BHLHE22: variants seen among roughly 807,000 people sequenced by gnomAD.
BHLHE22 encodes the protein basic helix-loop-helix family member e22.
Under a neutral mutation model 17.6 loss-of-function variants are expected in BHLHE22, and 8 were observed. The observed-to-expected ratio is 0.45, with a 90% CI of 0.27 to 0.82. The LOEUF (loss-of-function observed/expected upper bound fraction) is 0.82, where lower values mean the gene tolerates loss of function less well. BHLHE22 is among the 40% of genes least tolerant of loss of function. BHLHE22 has a pLI of 0.16. For missense variants in BHLHE22, 570 were observed against 581.5 expected (o/e 0.98, Z 0.20); for synonymous variants, 353 against 282.7 (o/e 1.25, Z -2.49).
rs1298593331 is a variant in BHLHE22, at chr8:64,580,643, G to C, written c.-148G>C. On this transcript the variant is annotated 5_prime_UTR_variant, in exon 1 of 1. Coordinates refer to ENST00000321870, the MANE Select transcript of BHLHE22 (RefSeq NM_152414.5). ...GGCGAAAAAGAAAAAGAAAGAAGGG[G>C]AGAGGGCTCCCGGCAGCACCAGGAC... 3 of 244,038 alleles carry C rather than the reference G, an allele frequency of 1.2e-5. No individual in the cohort carries two copies. The highest frequency in any genetic ancestry group is 2.0e-5 in the Non-Finnish European group (3 of 149,746). The allele number at this position is 244,038 out of a possible 1,614,324, so 15.1% of individuals were successfully genotyped here. A position where few individuals can be genotyped will look rare whatever the true frequency, so the allele number is the denominator to read the frequency against.
rs1804898006 is a variant in BHLHE22 at position 64,581,445 on chromosome 8, AGCGGTAGCGGCAGCGGCG to A, written c.658_675del (p.Gly220_Gly225del). ...CGGTAGCAGTGGCGGCGGTGGCGGT[AGCGGTAGCGGCAGCGGCG>A]GCAGCAGCAGCAGCAGCAGCAGCAG... On this transcript the variant is annotated inframe_deletion, in exon 1 of 1. Transcript: ENST00000321870. This position sits in a 1 kb window ranked among gnomAD's most constrained non-coding sequence, Gnocchi z 6.4. The A allele has an allele frequency of 6.5e-7, 1 of 1,535,932 alleles. No individual in the cohort carries two copies. Among genetic ancestry groups the A allele is most frequent in the African/African-American group, 1.4e-5 (1 of 71,886 alleles).
Position 64,581,061 on chromosome 8 carries a change from G to A in BHLHE22, c.271G>A (p.Gly91Ser). Residue 91 changes from glycine (G) to serine (S), a missense_variant, in exon 1 of 1, where the codon GGC (glycine) becomes AGC (serine). Physicochemically the swap from Gly to Ser is moderately conservative, Grantham distance 56 (BLOSUM62 0). Coordinates refer to ENST00000321870, the MANE Select transcript of BHLHE22 (RefSeq NM_152414.5). This position sits in a 1 kb window ranked among gnomAD's most constrained non-coding sequence, Gnocchi z 6.4. Reference sequence around the variant, plus strand: ...AGGCGGCGGCGGCAGCGCGGGAAGTGGCGGCGGCGGCGGCGGCGGGGTGGG... The same window carrying A: ...AGGCGGCGGCGGCAGCGCGGGAAGTAGCGGCGGCGGCGGCGGCGGGGTGGG... ...GGGGGGSAGS[G>S]GGGGGGVGVP... 1.7e-6 allele frequency: 2 copies of A among 1,175,154 alleles called. No homozygotes were observed. Among genetic ancestry groups the A allele is most frequent in the Non-Finnish European group, 2.1e-6 (2 of 938,920 alleles). 72.8% of individuals were successfully genotyped at this position (1,175,154 alleles called of 1,614,324 possible).
At position 64,581,832 on chromosome 8, in the gene BHLHE22, C is replaced by G. The variant is rs750981140; in HGVS notation, c.1042C>G (p.Pro348Ala). The G allele has an allele frequency of 2.1e-5, 34 of 1,604,380 alleles. 3 individuals are homozygous for G. The South Asian group carries it at 3.8e-4, about 18-fold the overall frequency. Residue 348 changes from proline to alanine, a missense_variant, in exon 1 of 1, where the codon CCG (proline) becomes GCG (alanine). Physicochemically the swap from Pro to Ala is conservative, Grantham distance 27 (BLOSUM62 -1). Coordinates refer to ENST00000321870, the MANE Select transcript of BHLHE22 (RefSeq NM_152414.5). This position sits in a 1 kb window ranked among gnomAD's most constrained non-coding sequence, Gnocchi z 6.4. The part of the protein sequence containing the change: ...LGAYEQAAGY[P>A]FSAGLPPAAS... ...CGCCTACGAGCAGGCAGCCGGCTACCCGTTCAGCGCCGGACTGCCCCCGGC... is the reference window on the plus strand; with the variant it reads ...CGCCTACGAGCAGGCAGCCGGCTACGCGTTCAGCGCCGGACTGCCCCCGGC...
In BHLHE22 at chr8:64,583,261, T is replaced by C. The variant is rs1009080831; in HGVS notation, c.*1325T>C. On this transcript the variant is annotated 3_prime_UTR_variant, in exon 1 of 1. Transcript: ENST00000321870. ...TTTGCCTATGGTGTGAAATCCTTTGTTATTTTTCTAAAAAAATAAAATTTA... is the reference window on the plus strand; with the variant it reads ...TTTGCCTATGGTGTGAAATCCTTTGCTATTTTTCTAAAAAAATAAAATTTA... 6 of 167,014 alleles carry C rather than the reference T, an allele frequency of 3.6e-5. No homozygotes were observed. The highest frequency in any genetic ancestry group is 3.3e-4 in the Admixed American group (5 of 15,292). 10.3% of individuals were successfully genotyped at this position (167,014 alleles called of 1,614,324 possible).
In BHLHE22 at chr8:64,581,946, C is replaced by T. The variant is rs554287197; in HGVS notation, c.*10C>T. 2.2e-5 allele frequency: 35 copies of T among 1,610,810 alleles called. No homozygotes were observed. The African/African-American group carries it at 2.8e-4, about 13-fold the overall frequency. On this transcript the variant is annotated 3_prime_UTR_variant, in exon 1 of 1. Transcript: ENST00000321870. This position sits in a 1 kb window ranked among gnomAD's most constrained non-coding sequence, Gnocchi z 6.4. ...CACGGAGAAGCCTTAAACACACCCC[C>T]GAAAAACACAAGACCGACCCAAAAT... is the stretch of plus-strand genomic sequence containing the variant.
Position 64,580,784 on chromosome 8 carries a change from C to T in BHLHE22, c.-7C>T. 1 of 1,299,230 alleles carries T rather than the reference C, an allele frequency of 7.7e-7. No homozygotes were observed. The allele number at this position is 1,299,230 out of a possible 1,614,324, so 80.5% of individuals were successfully genotyped here. A position where few individuals can be genotyped will look rare whatever the true frequency, so the allele number is the denominator to read the frequency against. ...CGGCGGCCCGGGCTGCGCGCCGGCG[C>T]GGGACCATGGAGCGCGGGATGCACC... On this transcript the variant is annotated 5_prime_UTR_variant, in exon 1 of 1. Coordinates refer to ENST00000321870, the MANE Select transcript of BHLHE22 (RefSeq NM_152414.5).
Position 64,582,616 on chromosome 8 carries a change from T to C in BHLHE22, c.*680T>C, listed in dbSNP as rs895826829. 1 of 167,106 alleles carries C rather than the reference T, an allele frequency of 6.0e-6. No individual in the cohort carries two copies. The highest frequency in any genetic ancestry group is 1.9e-4 in the East Asian group (1 of 5,206). The allele number at this position is 167,106 out of a possible 1,614,324, so 10.4% of individuals were successfully genotyped here. ...GCTCAAAGTTTTGGCGAGAGTGATA[T>C]AAAAAAACTGACTGTGGCTGAAAGA... On this transcript the variant is annotated 3_prime_UTR_variant, in exon 1 of 1. Coordinates refer to ENST00000321870, the MANE Select transcript of BHLHE22 (RefSeq NM_152414.5).
Position 64,581,802 on chromosome 8 carries a change from C to T in BHLHE22, c.1012C>T (p.Leu338Phe), listed in dbSNP as rs1049640253. The T allele has an allele frequency of 4.4e-6, 7 of 1,592,096 alleles. No homozygotes were observed. The highest frequency in any genetic ancestry group is 5.1e-6 in the Non-Finnish European group (6 of 1,173,060). The change falls in exon 1 of 1, where the codon CTC becomes TTC. Residue 338 changes from leucine (L) to phenylalanine (F), a missense_variant. Leu to Phe is a conservative substitution (Grantham distance 22). Coordinates refer to ENST00000321870, the MANE Select transcript of BHLHE22 (RefSeq NM_152414.5). This position sits in a 1 kb window ranked among gnomAD's most constrained non-coding sequence, Gnocchi z 6.4. ...AAAAAALHPA[L>F]GAYEQAAGYP... ...AGCAGCTGCTGCCCTGCACCCGGCG[C>T]TCGGCGCCTACGAGCAGGCAGCCGG...
At position 64,580,659 on chromosome 8, in the gene BHLHE22, G is replaced by A; in HGVS notation, c.-132G>A. ...AAAGAAGGGGAGAGGGCTCCCGGCAGCACCAGGACCGACGCGCGCACCAGC... is the reference window on the plus strand; with the variant it reads ...AAAGAAGGGGAGAGGGCTCCCGGCAACACCAGGACCGACGCGCGCACCAGC... On this transcript the variant is annotated 5_prime_UTR_variant, in exon 1 of 1. Transcript: ENST00000321870. The A allele has an allele frequency of 2.8e-6, 1 of 351,312 alleles. No individual in the cohort carries two copies. Among genetic ancestry groups the A allele is most frequent in the Non-Finnish European group, 4.0e-6 (1 of 247,892 alleles). 21.8% of individuals were successfully genotyped at this position (351,312 alleles called of 1,614,324 possible).
Position 64,580,729 on chromosome 8 carries a change from G to A in BHLHE22, c.-62G>A. The A allele has an allele frequency of 1.0e-6, 1 of 994,630 alleles. No homozygotes were observed. The highest frequency in any genetic ancestry group is 1.2e-6 in the Non-Finnish European group (1 of 832,026). 61.6% of individuals were successfully genotyped at this position (994,630 alleles called of 1,614,324 possible). A position where few individuals can be genotyped will look rare whatever the true frequency, so the allele number is the denominator to read the frequency against. ...GCGTCTGTGGGGCCGCCTGACTCCG[G>A]GGCCGAGGCGGCGGCGGCGGCAGCG... is the stretch of plus-strand genomic sequence containing the variant. On this transcript the variant is annotated 5_prime_UTR_variant, in exon 1 of 1. Transcript: ENST00000321870.
rs572806022 is a variant in BHLHE22 at position 64,581,419 on chromosome 8, G to C, written c.629G>C (p.Ser210Thr). Residue 210 changes from serine to threonine, a missense_variant, in exon 1 of 1, where the codon AGC becomes ACC. Around this residue, in one of 3 missense-constraint regions of BHLHE22, gnomAD observed 427 missense variants for 376.2 expected, o/e 1.14. Transcript: ENST00000321870. This position sits in a 1 kb window ranked among gnomAD's most constrained non-coding sequence, Gnocchi z 6.4. The part of the protein sequence containing the change: ...LGGGGGGGSS[S>T]GSSGGGGGSG... ...GGCGGCGGCGGCGGGGGTAGCAGCA[G>C]CGGTAGCAGTGGCGGCGGTGGCGGT... 3.3e-5 allele frequency: 51 copies of C among 1,535,510 alleles called. No homozygotes were observed. The African/African-American group carries it at 6.7e-4, about 20-fold the overall frequency.
chr8:64,581,457 A>AGCGGCG lies in BHLHE22; in HGVS notation c.670_675dup (p.Gly224_Gly225dup), dbSNP rs752477418. 9 of 1,533,514 alleles carry AGCGGCG rather than the reference A, an allele frequency of 5.9e-6. No individual in the cohort carries two copies. The highest frequency in any genetic ancestry group is 7.0e-6 in the Non-Finnish European group (8 of 1,144,054). The allele number at this position is 1,533,514 out of a possible 1,614,324, so 95.0% of individuals were successfully genotyped here. A position where few individuals can be genotyped will look rare whatever the true frequency, so the allele number is the denominator to read the frequency against. On this transcript the variant is annotated inframe_insertion, in exon 1 of 1. Transcript: ENST00000321870. This position sits in a 1 kb window ranked among gnomAD's most constrained non-coding sequence, Gnocchi z 6.4. The stretch of plus-strand genomic sequence containing the variant: ...CGGCGGTGGCGGTAGCGGTAGCGGC[A>AGCGGCG]GCGGCGGCAGCAGCAGCAGCAGCAG...
Position 64,580,970 on chromosome 8 carries a change from GC to G in BHLHE22, c.184del (p.Leu62TrpfsTer43). 1.4e-6 allele frequency: 2 copies of G among 1,395,040 alleles called. No individual in the cohort carries two copies. Among genetic ancestry groups the G allele is most frequent in the Non-Finnish European group, 1.9e-6 (2 of 1,078,666 alleles). 86.4% of individuals were successfully genotyped at this position (1,395,040 alleles called of 1,614,324 possible). On this transcript the variant is annotated frameshift_variant, in exon 1 of 1. Transcript: ENST00000321870. LOFTEE classifies it high-confidence loss of function. ...RERPASSSSS[P>X]LGCFEPADPE... ...AACGCCCGGCGTCCTCCTCCTCGTC[GC>G]CCCTGGGCTGCTTCGAGCCGGCTGA...
In BHLHE22 at chr8:64,581,567, C is replaced by T; in HGVS notation, c.777C>T (p.Asn259=). The T allele has an allele frequency of 1.2e-6, 2 of 1,611,790 alleles. No homozygotes were observed. The highest frequency in any genetic ancestry group is 8.5e-7 in the Non-Finnish European group (1 of 1,179,738). ...ARERRRMHDL[N]DALDELRAVI... Reference sequence around the variant, plus strand: ...AGCGCCGGCGGATGCACGACCTGAACGACGCGCTGGACGAGCTGCGCGCGG... The same window carrying T: ...AGCGCCGGCGGATGCACGACCTGAATGACGCGCTGGACGAGCTGCGCGCGG... The change falls in exon 1 of 1, where the codon AAC becomes AAT. Residue 259 remains asparagine, a synonymous_variant. Coordinates refer to ENST00000321870, the MANE Select transcript of BHLHE22 (RefSeq NM_152414.5). This position sits in a 1 kb window ranked among gnomAD's most constrained non-coding sequence, Gnocchi z 6.4.
chr8:64,580,854 A>G lies in BHLHE22; in HGVS notation c.64A>G (p.Ser22Gly). 1.3e-6 allele frequency: 2 copies of G among 1,504,736 alleles called. No homozygotes were observed. Among genetic ancestry groups the G allele is most frequent in the South Asian group, 1.3e-5 (1 of 79,544 alleles). 93.2% of individuals were successfully genotyped at this position (1,504,736 alleles called of 1,614,324 possible). ...AGEDDLFLHK[S>G]LSASTSKRLE... ...CGAGGACGACCTCTTCCTGCACAAGAGCCTGAGCGCCTCCACCTCCAAGCG... is the reference window on the plus strand; with the variant it reads ...CGAGGACGACCTCTTCCTGCACAAGGGCCTGAGCGCCTCCACCTCCAAGCG... Residue 22 changes from serine to glycine, a missense_variant, in exon 1 of 1, where the codon AGC (serine) becomes GGC (glycine). By Grantham distance (56) the Ser-to-Gly change is moderately conservative (BLOSUM62 0). Transcript: ENST00000321870.
chr8:64,581,704 G>T lies in BHLHE22; in HGVS notation c.914G>T (p.Arg305Leu). Reference sequence around the variant, plus strand: ...GCGCAGGCCCTGGAGGAGATGCGGCGCCTAGTCGCCTACCTCAACCAGGGC... The same window carrying T: ...GCGCAGGCCCTGGAGGAGATGCGGCTCCTAGTCGCCTACCTCAACCAGGGC... The part of the protein sequence containing the change: ...MQAQALEEMR[R>L]LVAYLNQGQA... Residue 305 changes from arginine (R) to leucine (L), a missense_variant, in exon 1 of 1, where the codon CGC becomes CTC. Transcript: ENST00000321870. The surrounding 1 kb of genome is among the most constrained non-coding windows in gnomAD (Gnocchi z 6.4). The T allele has an allele frequency of 1.2e-6, 2 of 1,607,510 alleles. No individual in the cohort carries two copies. The highest frequency in any genetic ancestry group is 8.5e-7 in the Non-Finnish European group (1 of 1,177,892).
chr8:64,582,980 C>T lies in BHLHE22; in HGVS notation c.*1044C>T, dbSNP rs1445396081. 1 of 166,728 alleles carries T rather than the reference C, an allele frequency of 6.0e-6. No homozygotes were observed. The highest frequency in any genetic ancestry group is 1.5e-5 in the Non-Finnish European group (1 of 68,104). The allele number at this position is 166,728 out of a possible 1,614,324, so 10.3% of individuals were successfully genotyped here. ...TAAATTGAGCTTTAATAAATTGCTT[C>T]AGTCCAAAAATTACAGGAAAGGTGT... is the stretch of plus-strand genomic sequence containing the variant. On this transcript the variant is annotated 3_prime_UTR_variant, in exon 1 of 1. Coordinates refer to ENST00000321870, the MANE Select transcript of BHLHE22 (RefSeq NM_152414.5).
Position 64,582,119 on chromosome 8 carries a change from T to G in BHLHE22, c.*183T>G. 4.6e-6 allele frequency: 2 copies of G among 437,292 alleles called. No individual in the cohort carries two copies. The highest frequency in any genetic ancestry group is 8.3e-6 in the Non-Finnish European group (2 of 241,492). 27.1% of individuals were successfully genotyped at this position (437,292 alleles called of 1,614,324 possible). A position where few individuals can be genotyped will look rare whatever the true frequency, so the allele number is the denominator to read the frequency against. On this transcript the variant is annotated 3_prime_UTR_variant, in exon 1 of 1. Transcript: ENST00000321870. The stretch of plus-strand genomic sequence containing the variant: ...ACTTTTAGCCTTGACATCCCCAGAA[T>G]CTCGGTCTTTGGGGTGGGGAGGGAG...
In BHLHE22 at chr8:64,581,397, G is replaced by GGCGGCGGCGGGGGTA; in HGVS notation, c.610_624dup (p.Gly204_Ser208dup). On this transcript the variant is annotated inframe_insertion, in exon 1 of 1. Coordinates refer to ENST00000321870, the MANE Select transcript of BHLHE22 (RefSeq NM_152414.5). The surrounding 1 kb of genome is among the most constrained non-coding windows in gnomAD (Gnocchi z 6.4). ...CGTCCCCCCGGGGGGCCTGGGCGGC[G>GGCGGCGGCGGGGGTA]GCGGCGGCGGGGGTAGCAGCAGCGG... The GGCGGCGGCGGGGGTA allele has an allele frequency of 6.6e-7, 1 of 1,524,880 alleles. No individual in the cohort carries two copies. The highest frequency in any genetic ancestry group is 8.8e-7 in the Non-Finnish European group (1 of 1,141,674). The allele number at this position is 1,524,880 out of a possible 1,614,324, so 94.5% of individuals were successfully genotyped here.
Sources: allele counts gnomAD v4.1 joint callset, GRCh38; gene constraint gnomAD v4.1.1; regional missense constraint gnomAD v4.1.1; non-coding constraint Gnocchi (gnomAD v3.1); transcripts MANE v1.5; gene names NCBI Gene and HGNC (gene_info 2026-07-23, HGNC 2026-07-21).